Variants in NT5DC4 observed in about 807,000 individuals in gnomAD.
NT5DC4 encodes 5'-nucleotidase domain-containing protein 4.
NT5DC4 carries 44 observed loss-of-function variants against 26.6 expected under a neutral mutation model. That is an observed-to-expected ratio of 1.65 (90% CI 1.30 to 2.13). NT5DC4 has a LOEUF of 2.13. NT5DC4 is among the 30% of genes most tolerant of loss of function. The probability of loss-of-function intolerance (pLI) is 0.00; values close to 1 mark genes in which losing one functional copy is unlikely to be tolerated. For synonymous variants in NT5DC4, 157 were observed against 86.7 expected (o/e 1.81, Z -4.51); for missense variants, 399 against 228.1 (o/e 1.75, Z -4.83).
intron 16 of NT5DC4, among the ~76,000 whole-genome samples, chr2:112,733,192 A>C (rs753205190): frequency 3.3e-5 from 5 of 151,838 alleles, no homozygotes; most frequent in Non-Finnish European, 7.4e-5. Context: ...ACAAACTCCT[A>C]ATTCTGTATC....
downstream of NT5DC4, chr2:112,742,365 A>G (rs1680036266): frequency 1.4e-6 from 1 of 717,194 alleles, no homozygotes; most frequent in African/African-American, 1.7e-5. Context: ...TGGTGGGTTT[A>G]TTATGATTAA....
chr2:112,720,856 C>T (rs1038922638), upstream of NT5DC4, among the ~76,000 whole-genome samples: 1 of 152,184 alleles, frequency 6.6e-6, no homozygotes, highest in African/African-American at 2.4e-5. Flanking sequence ...ATTGCTCTTC[C>T]TAGATCCTTG....
chr2:112,739,055 G>C lies in NT5DC4; in HGVS notation c.*119G>C, dbSNP rs142117171. 1 of 1,599,934 alleles carries C rather than the reference G, an allele frequency of 6.3e-7. No homozygotes were observed. The highest frequency in any genetic ancestry group is 2.2e-5 in the East Asian group (1 of 44,794). On this transcript the variant is annotated 3_prime_UTR_variant, in exon 17 of 17. Coordinates refer to ENST00000688554, the MANE Select transcript of NT5DC4 (RefSeq NM_001393655.1). Reference sequence around the variant, plus strand: ...TTCCGGCATCCCATTTATTCTGAGAGACAGCAAGAGATGCATTAAAAACCT... The same window carrying C: ...TTCCGGCATCCCATTTATTCTGAGACACAGCAAGAGATGCATTAAAAACCT...
At chr2:112,740,960 C>G (rs557259876), downstream of NT5DC4, 2 of 1,613,828 alleles carry the variant, frequency 1.2e-6, no homozygotes, top group South Asian at 2.2e-5. Context: ...GCCAGCTCTT[C>G]CACTGATGTT....
chr2:112,741,145 T>C, downstream of NT5DC4: 1 of 662,248 alleles, frequency 1.5e-6, no homozygotes, highest in Non-Finnish European at 2.6e-6. Flanking sequence ...TAGTGATTGA[T>C]TTGAAGTGTG....
upstream of NT5DC4, among the ~76,000 whole-genome samples, chr2:112,720,956 G>C (rs1040648171): frequency 6.6e-6 from 1 of 152,244 alleles, no homozygotes; most frequent in African/African-American, 2.4e-5. Flanking sequence ...TGGGAGCACA[G>C]GGTGGGGCCA....
At chr2:112,739,976 T>C (rs767410102), downstream of NT5DC4, among the ~76,000 whole-genome samples, 2 of 151,906 alleles carry the variant, frequency 1.3e-5, no homozygotes, top group Non-Finnish European at 2.9e-5. Context: ...TTTTTTGAGA[T>C]GGAGTTTCAC....
downstream of NT5DC4, chr2:112,742,324 T>TA (rs1680032470): frequency 2.8e-6 from 2 of 710,948 alleles, no homozygotes; most frequent in Non-Finnish European, 5.2e-6. Flanking sequence ...TAGCTATTTT[T>TA]AAAGCGTAAC....
intron 10 of NT5DC4, 71 bp downstream of exon 10, chr2:112,724,197 C>T (rs765145542): frequency 4.1e-5 from 29 of 714,902 alleles, no homozygotes; most frequent in Admixed American, 1.2e-4. Flanking sequence ...GGCTGCACCA[C>T]GATGCTGAGG....
chr2:112,728,624 C>G (rs542356246), intron 15 of NT5DC4, among the ~76,000 whole-genome samples: 1 of 152,342 alleles, frequency 6.6e-6, no homozygotes, highest in South Asian at 2.1e-4. Context: ...CCCTGCTGCC[C>G]TTGGCTGCCT....
chr2:112,740,983 G>C (rs750065532), downstream of NT5DC4: 1 of 1,612,818 alleles, frequency 6.2e-7, no homozygotes, highest in South Asian at 1.1e-5. Context: ...ACTAGTTTCA[G>C]CAACTAAAGA....
intron 16 of NT5DC4, chr2:112,731,339 C>T (rs1386253180): frequency 1.3e-5 from 2 of 152,146 alleles, no homozygotes; most frequent in Non-Finnish European, 1.5e-5. Context: ...CGTTTGGAAA[C>T]GTGTGCACAA....
chr2:112,735,921 A>G (rs1013242022), intron 16 of NT5DC4, among the ~76,000 whole-genome samples: 8 of 152,202 alleles, frequency 5.3e-5, no homozygotes, highest in Non-Finnish European at 1.0e-4. Flanking sequence ...ATACTGTGAG[A>G]CATCCTGCAA....
At chr2:112,724,289 G>A (rs1677379408) in intron 10 of NT5DC4, 163 bp downstream of exon 10, 1 of 652,688 alleles carries the variant, frequency 1.5e-6, no homozygotes, top group Non-Finnish European at 2.8e-6. Context: ...CTCCCCAGTG[G>A]GTAGGAGCCT....
Position 112,723,058 on chromosome 2 carries a change from C to T in NT5DC4, c.528-23C>T, listed in dbSNP as rs561900526. The T allele has an allele frequency of 9.1e-5, 64 of 704,438 alleles. 5 individuals are homozygous for T. The South Asian group carries it at 9.2e-4, about 10-fold the overall frequency. 43.6% of individuals were successfully genotyped at this position (704,438 alleles called of 1,614,324 possible). ...TTTCAGGCCCCCTTATTGGCCTCCCCGTCCCCTCTTTGCCTGCCCCAGTTG... is the reference window on the plus strand; with the variant it reads ...TTTCAGGCCCCCTTATTGGCCTCCCTGTCCCCTCTTTGCCTGCCCCAGTTG... On this transcript the variant is annotated intron_variant, in intron 6 of 16. Transcript: ENST00000688554.
chr2:112,742,352 T>C (rs555508962), downstream of NT5DC4: 57 of 716,874 alleles, frequency 8.0e-5, no homozygotes, highest in East Asian at 1.5e-3. Flanking sequence ...TAGATGAGTA[T>C]GTTGGTGGGT....
intron 12 of NT5DC4, 63 bp downstream of exon 12, chr2:112,725,303 A>G (rs1259539356): frequency 2.9e-6 from 2 of 694,014 alleles, no homozygotes; most frequent in African/African-American, 3.5e-5. Context: ...CTAGGAGCCC[A>G]GGCCCCTCAC....
At chr2:112,731,906 CAG>C (rs59209857) in intron 16 of NT5DC4, among the ~76,000 whole-genome samples, 12,033 of 146,640 alleles carry the variant, frequency 0.082, 1,716 homozygotes, top group African/African-American at 0.29. Flanking sequence ...GCCATGGAAT[CAG>C]AGAGTTTACT....
intron 1 of NT5DC4, chr2:112,721,489 C>T (rs1303352376): frequency 1.4e-6 from 1 of 717,948 alleles, no homozygotes. Context: ...TGACAACCCT[C>T]ACACCAACAA....
Sources: gnomAD v4.1 joint callset for allele counts (sites outside exome capture counted in the v4.1 genomes callset) on GRCh38, gnomAD v4.1.1 for gene constraint, MANE v1.5 for transcripts, NCBI Gene and HGNC (gene_info 2026-07-23, HGNC 2026-07-21) for gene names.